MOB1B: variants seen among roughly 807,000 people sequenced by gnomAD.
The protein encoded by MOB1B is MOB kinase activator 1B.
In MOB1B, 19 loss-of-function variants were observed where a neutral mutation model predicts 24.4. The ratio of observed to expected loss-of-function variants is 0.78; its 90% CI spans 0.54 to 1.14. MOB1B has a LOEUF of 1.14. Among genes scored for constraint, MOB1B ranks in the 50% most tolerant of loss-of-function variants. The pLI is 0.00. For missense variants in MOB1B, 243 were observed against 259.6 expected, an observed-to-expected ratio of 0.94 and a Z score of 0.44; for synonymous variants, 76 against 82.1, an observed-to-expected ratio of 0.93 and a Z score of 0.40.
intron 2 of MOB1B, 78 bp from the exon 3 acceptor site, chr4:70,969,853 A>C: frequency 1.3e-6 from 1 of 787,242 alleles, no homozygotes; most frequent in Non-Finnish European, 2.1e-6. Flanking sequence ...CAATAAGCCT[A>C]TTCTGTTCAA....
At chr4:70,928,399 G>A (rs1430395103) in intron 1 of MOB1B, among the ~76,000 whole-genome samples, 2 of 151,378 alleles carry the variant, frequency 1.3e-5, no homozygotes, top group African/African-American at 2.4e-5. Flanking sequence ...GGGTTCAAGC[G>A]ATTCTCCTGC....
intron 1 of MOB1B, among the ~76,000 whole-genome samples, chr4:70,920,993 A>C (rs1736415071): frequency 6.6e-6 from 1 of 152,206 alleles, no homozygotes; most frequent in African/African-American, 2.4e-5. Context: ...CAAAATAACC[A>C]TTCGCGGAAC....
At chr4:70,971,142 A>G (rs72854138) in intron 3 of MOB1B, among the ~76,000 whole-genome samples, 2 of 152,122 alleles carry the variant, frequency 1.3e-5, no homozygotes. Context: ...GTTTGAACTT[A>G]TATGAACTGT....
chr4:70,940,940 T>C (rs1019470573), intron 1 of MOB1B, among the ~76,000 whole-genome samples: 8 of 152,206 alleles, frequency 5.3e-5, no homozygotes, highest in Non-Finnish European at 2.9e-5. Flanking sequence ...CTCAAAGTGC[T>C]GGGATTACAG....
Position 70,986,309 on chromosome 4 carries a change from T to TTAA in MOB1B, c.*4256_*4258dup, listed in dbSNP as rs1268885890. ...TTTCACTCAGATGAACAATTTGACT[T>TTAA]TAATAAAAGACTGGAGATTTTTGTA... On this transcript the variant is annotated 3_prime_UTR_variant, in exon 6 of 6. Coordinates refer to ENST00000309395, the MANE Select transcript of MOB1B (RefSeq NM_173468.4). The TTAA allele has an allele frequency of 6.6e-6, 1 of 152,096 alleles. No individual in the cohort carries two copies. The highest frequency in any genetic ancestry group is 1.5e-5 in the Non-Finnish European group (1 of 67,976). The allele number at this position is 152,096 out of a possible 1,614,324, so 9.4% of individuals were successfully genotyped here.
At chr4:70,907,329 A>G (rs1477660539) in intron 1 of MOB1B, among the ~76,000 whole-genome samples, 1 of 152,170 alleles carries the variant, frequency 6.6e-6, no homozygotes, top group African/African-American at 2.4e-5. Flanking sequence ...TGAGGATAAA[A>G]GTGAGTTCTA....
At chr4:70,929,880 G>A (rs557946401) in intron 1 of MOB1B, among the ~76,000 whole-genome samples, 68 of 151,738 alleles carry the variant, frequency 4.5e-4, no homozygotes, top group African/African-American at 1.5e-3. Flanking sequence ...TGATCCGCCC[G>A]CCTCGGCCTC....
rs924319544 is a variant in MOB1B at position 70,985,638 on chromosome 4, C to G, written c.*3581C>G. 6.6e-6 allele frequency: 1 copy of G among 152,370 alleles called. No individual in the cohort carries two copies. The highest frequency in any genetic ancestry group is 1.5e-5 in the Non-Finnish European group (1 of 68,262). The allele number at this position is 152,370 out of a possible 1,614,324, so 9.4% of individuals were successfully genotyped here. A position where few individuals can be genotyped will look rare whatever the true frequency, so the allele number is the denominator to read the frequency against. On this transcript the variant is annotated 3_prime_UTR_variant, in exon 6 of 6. Transcript: ENST00000309395. ...TCCTGGGTTCAAGCATTTCTCCTGC[C>G]TCAGCCTCCCAAGTAGCTGGGATTA...
chr4:70,916,877 A>C (rs1736217188), intron 1 of MOB1B, among the ~76,000 whole-genome samples: 2 of 152,148 alleles, frequency 1.3e-5, no homozygotes, highest in African/African-American at 4.8e-5. Context: ...CCTACCACTG[A>C]ATTTCTATAA....
intron 3 of MOB1B, among the ~76,000 whole-genome samples, chr4:70,974,462 A>G (rs1247134632): frequency 6.6e-6 from 1 of 152,086 alleles, no homozygotes; most frequent in Non-Finnish European, 1.5e-5. Context: ...GTTTTCTACT[A>G]GCCTGTTTTC....
At chr4:70,962,654 C>G (rs917071457) in intron 2 of MOB1B, among the ~76,000 whole-genome samples, 1 of 151,424 alleles carries the variant, frequency 6.6e-6, no homozygotes, top group African/African-American at 2.4e-5. Context: ...TTTCTACATA[C>G]AAAACCAAAA....
chr4:70,930,449 T>A (rs185406857), intron 1 of MOB1B, among the ~76,000 whole-genome samples: 1 of 152,348 alleles, frequency 6.6e-6, no homozygotes, highest in Non-Finnish European at 1.5e-5. Context: ...TTTTTTCTTT[T>A]AGTAACTCTT....
At chr4:70,960,311 G>A (rs984428225) in intron 2 of MOB1B, among the ~76,000 whole-genome samples, 16 of 152,128 alleles carry the variant, frequency 1.1e-4, no homozygotes, top group Admixed American at 3.3e-4. Context: ...TGGGAATTAA[G>A]CCAGAGAAAG....
chr4:70,954,362 T>A (rs931194749), intron 1 of MOB1B, among the ~76,000 whole-genome samples: 1 of 152,256 alleles, frequency 6.6e-6, no homozygotes, highest in Non-Finnish European at 1.5e-5. Context: ...AAATAGGCTC[T>A]GGAAAGCTAA....
Position 70,981,507 on chromosome 4 carries a change from C to T in MOB1B, c.574-473C>T, listed in dbSNP as rs141510761. On this transcript the variant is annotated intron_variant, in intron 5 of 5. Coordinates refer to ENST00000309395, the MANE Select transcript of MOB1B (RefSeq NM_173468.4). ...AGCCATATTCGTGTTATTTTCCTAC[C>T]ATATCTTTTGATAGCTTGCAGATAC... 2.8e-3 allele frequency among the ~76,000 whole-genome samples: 432 copies of T among 152,248 alleles called. 4 individuals carry two copies. Among genetic ancestry groups the T allele is most frequent in the Admixed American group, 0.013 (205 of 15,298 alleles).
chr4:70,957,101 T>G (rs1738090916), intron 1 of MOB1B, among the ~76,000 whole-genome samples: 1 of 116,086 alleles, frequency 8.6e-6, no homozygotes. Context: ...TGTTTATGTG[T>G]TTTTTTTTTT....
chr4:70,946,094 T>C (rs1737570199), intron 1 of MOB1B, among the ~76,000 whole-genome samples: 2 of 149,260 alleles, frequency 1.3e-5, no homozygotes, highest in African/African-American at 4.9e-5. Context: ...CTTTTTTTTT[T>C]TTTTTTTTTT....
At chr4:70,937,458 A>G (rs757801850) in intron 1 of MOB1B, among the ~76,000 whole-genome samples, 1 of 151,274 alleles carries the variant, frequency 6.6e-6, no homozygotes, top group East Asian at 1.9e-4. Context: ...AATTTTCTAT[A>G]TCTTGGATAT....
At chr4:70,976,549 A>G (rs1346342464) in intron 4 of MOB1B, 4 of 985,032 alleles carry the variant, frequency 4.1e-6, no homozygotes, top group Non-Finnish European at 4.8e-6. Flanking sequence ...GCCTTCTCAA[A>G]CTTCTGACAA....
Sources: allele counts gnomAD v4.1 joint callset (sites outside exome capture counted in the v4.1 genomes callset), GRCh38; gene constraint gnomAD v4.1.1; transcripts MANE v1.5; gene names NCBI Gene and HGNC (gene_info 2026-07-23, HGNC 2026-07-21).